CAPN7: variants seen among roughly 807,000 people sequenced by gnomAD.
The protein encoded by CAPN7 is calpain 7.
Under a neutral mutation model 115.2 loss-of-function variants are expected in CAPN7, and 72 were observed. That is an observed-to-expected ratio of 0.63 (90% confidence interval 0.52 to 0.76). CAPN7 has a LOEUF of 0.76. CAPN7 is among the 30% of genes least tolerant of loss of function. The pLI is 0.00. For synonymous variants in CAPN7, 344 were observed against 322.3 expected (o/e 1.07, Z -0.72); for missense variants, 905 against 971.5 (o/e 0.93, Z 0.91).
At chr3:15,250,637 A>T (rs923811183) in intron 19 of CAPN7, among the ~76,000 whole-genome samples, 2 of 152,312 alleles carry the variant, frequency 1.3e-5, no homozygotes, top group East Asian at 3.9e-4. Flanking sequence ...GTGCCTCTGC[A>T]CTCTAACCTG....
At chr3:15,230,831 G>T (rs1300387080) in intron 9 of CAPN7, among the ~76,000 whole-genome samples, 1 of 152,204 alleles carries the variant, frequency 6.6e-6, no homozygotes, top group African/African-American at 2.4e-5. Context: ...TAGTTCATCT[G>T]ATTGTTTTGA....
At position 15,240,607 on chromosome 3, in the gene CAPN7, A is replaced by G. The variant is rs1695283561; in HGVS notation, c.1542A>G (p.Lys514=). 2 of 1,596,104 alleles carry G rather than the reference A, an allele frequency of 1.3e-6. No individual in the cohort carries two copies. Among genetic ancestry groups the G allele is most frequent in the Non-Finnish European group, 1.7e-6 (2 of 1,175,432 alleles). The part of the protein sequence containing the change: ...YLNFDPRTAQ[K]IDNGIFWISW... Reference sequence around the variant, plus strand: ...ACTTTGATCCCCGAACAGCTCAGAAAATAGACAACGGTAAATATATCTTTT... The same window carrying G: ...ACTTTGATCCCCGAACAGCTCAGAAGATAGACAACGGTAAATATATCTTTT... Residue 514 remains lysine (K), a synonymous_variant, in exon 13 of 21, where the codon AAA becomes AAG. Transcript: ENST00000253693.
Position 15,235,035 on chromosome 3 carries a change from G to A in CAPN7, c.1297G>A (p.Gly433Arg). 7.5e-6 allele frequency: 12 copies of A among 1,609,538 alleles called. No homozygotes were observed. Among genetic ancestry groups the A allele is most frequent in the Non-Finnish European group, 1.0e-5 (12 of 1,178,688 alleles). The change falls in exon 12 of 21, where the codon GGA becomes AGA. Residue 433 changes from glycine (G) to arginine (R), a missense_variant. By Grantham distance (125) the Gly-to-Arg change is moderately radical. Around this residue, in one of 3 missense-constraint regions of CAPN7, gnomAD observed 620 missense variants for 703.4 expected, o/e 0.88. Coordinates refer to ENST00000253693, the MANE Select transcript of CAPN7 (RefSeq NM_014296.3). Reference sequence around the variant, plus strand: ...TGGGGTTCATTCCAGATTTCACAAAGGAGATGTCCTCATCACTGCGTCAAC... The same window carrying A: ...TGGGGTTCATTCCAGATTTCACAAAAGAGATGTCCTCATCACTGCGTCAAC... ...FRMLYQRFHK[G>R]DVLITASTGM... is the part of the protein sequence containing the mutation.
intron 7 of CAPN7, among the ~76,000 whole-genome samples, chr3:15,228,404 A>T (rs578157190): frequency 1.3e-5 from 2 of 152,358 alleles, no homozygotes; most frequent in South Asian, 4.1e-4. Flanking sequence ...AATAATAACC[A>T]GGAAAATATT....
intron 5 of CAPN7, among the ~76,000 whole-genome samples, chr3:15,222,803 C>G (rs1429748837): frequency 6.6e-6 from 1 of 152,192 alleles, no homozygotes; most frequent in Non-Finnish European, 1.5e-5. Context: ...ATAGTCCCAA[C>G]AATCATTTCA....
At chr3:15,220,473 C>T (rs533773582) in intron 4 of CAPN7, among the ~76,000 whole-genome samples, 300 of 152,248 alleles carry the variant, frequency 2.0e-3, no homozygotes, top group African/African-American at 6.9e-3. Context: ...GTCTGTCTTT[C>T]CCTACAAAAC....
chr3:15,234,453 G>C (rs377377057), intron 11 of CAPN7, among the ~76,000 whole-genome samples: 1 of 152,158 alleles, frequency 6.6e-6, no homozygotes, highest in Admixed American at 6.5e-5. Context: ...CCTATAGCCA[G>C]TCCTCAGTTA....
chr3:15,206,255 T>G lies in CAPN7; in HGVS notation c.-241T>G. The G allele has an allele frequency of 2.6e-6, 1 of 388,676 alleles. No individual in the cohort carries two copies. Among genetic ancestry groups the G allele is most frequent in the Non-Finnish European group, 4.6e-6 (1 of 215,708 alleles). 24.1% of individuals were successfully genotyped at this position (388,676 alleles called of 1,614,324 possible). On this transcript the variant is annotated 5_prime_UTR_variant, in exon 1 of 21. Transcript: ENST00000253693. ...GGCTGGTGGGCGGGGCGAGGGCCGC[T>G]GGGGCCGCGAAGTGGGGCGGCCGGG...
At chr3:15,227,777 T>C in intron 6 of CAPN7, 62 bp from the exon 7 acceptor site, 1 of 1,064,234 alleles carries the variant, frequency 9.4e-7, no homozygotes, top group Non-Finnish European at 1.3e-6. Flanking sequence ...GGAAATTTAA[T>C]TTTGGCTTTG....
At chr3:15,230,660 ATAT>A in intron 9 of CAPN7, 125 bp downstream of exon 9, 1 of 582,186 alleles carries the variant, frequency 1.7e-6, no homozygotes, top group East Asian at 2.6e-5. Context: ...CTGTGATATT[ATAT>A]ATTACTACCA....
intron 19 of CAPN7, among the ~76,000 whole-genome samples, chr3:15,249,977 A>G (rs889755024): frequency 1.1e-4 from 17 of 151,622 alleles, no homozygotes; most frequent in African/African-American, 4.1e-4. Context: ...GTTGGCCAGG[A>G]TGCTCTTGAT....
chr3:15,225,635 TTTTTTTCTC>T (rs1694270026), intron 6 of CAPN7, among the ~76,000 whole-genome samples: 1 of 152,182 alleles, frequency 6.6e-6, no homozygotes, highest in African/African-American at 2.4e-5. Context: ...GAATTTTTCT[TTTTTTTCTC>T]TTTAAGGTGA....
intron 10 of CAPN7, 121 bp from the exon 11 acceptor site, chr3:15,233,746 C>A: frequency 1.6e-6 from 1 of 643,166 alleles, no homozygotes. Flanking sequence ...TTGAAAACAA[C>A]TACCTTCTGA....
Position 15,227,949 on chromosome 3 carries a change from GT to G in CAPN7, c.840del (p.Phe280LeufsTer3). On this transcript the variant is annotated frameshift_variant, in exon 7 of 21. Coordinates refer to ENST00000253693, the MANE Select transcript of CAPN7 (RefSeq NM_014296.3). LOFTEE classifies it high-confidence loss of function. ...NNPTMIYTVS[S>X]FSIKQTIVSD... ...CCTACAATGATATATACTGTGTCCA[GT>G]TTTAGCATAAAGCAGGTGAGCATTT... 1 of 1,456,090 alleles carries G rather than the reference GT, an allele frequency of 6.9e-7. No individual in the cohort carries two copies. Among genetic ancestry groups the G allele is most frequent in the South Asian group, 1.6e-5 (1 of 61,424 alleles). The allele number at this position is 1,456,090 out of a possible 1,614,324, so 90.2% of individuals were successfully genotyped here.
chr3:15,235,171 AT>A, intron 12 of CAPN7, 26 bp downstream of exon 12: 2 of 1,569,404 alleles, frequency 1.3e-6, no homozygotes, highest in Non-Finnish European at 8.6e-7. Flanking sequence ...TTTTTCTTTT[AT>A]TTTTCTTGTT....
At chr3:15,222,006 G>A (rs996040663) in intron 5 of CAPN7, among the ~76,000 whole-genome samples, 1 of 149,228 alleles carries the variant, frequency 6.7e-6, no homozygotes, top group Non-Finnish European at 1.5e-5. Context: ...ATACATATAC[G>A]TATATAGTAT....
intron 9 of CAPN7, among the ~76,000 whole-genome samples, chr3:15,231,534 CT>C (rs554157490): frequency 3.4e-3 from 501 of 145,220 alleles, no homozygotes; most frequent in South Asian, 0.016. Context: ...TCTGAGAACA[CT>C]TTTTTTTTTT....
chr3:15,217,086 AAGAG>A (rs1210609445), intron 2 of CAPN7, among the ~76,000 whole-genome samples: 2 of 150,212 alleles, frequency 1.3e-5, no homozygotes, highest in Non-Finnish European at 2.9e-5. Flanking sequence ...AAAAAAAAAA[AAGAG>A]AGAAAAATTA....
rs905639230 is a variant in CAPN7, at chr3:15,249,018, A to C, written c.2204+1561A>C. ...CTCATACAACAACCAAAAAAAAAAA[A>C]AAAAAACAAAAACAGAATACAAATA... On this transcript the variant is annotated intron_variant, in intron 19 of 20. Transcript: ENST00000253693. 1.8e-4 allele frequency among the ~76,000 whole-genome samples: 27 copies of C among 150,110 alleles called. No individual in the cohort carries two copies. The East Asian group carries it at 4.5e-3, about 25-fold the overall frequency.
Sources: gnomAD v4.1 joint callset for allele counts (sites outside exome capture counted in the v4.1 genomes callset) on GRCh38, gnomAD v4.1.1 for gene constraint, gnomAD v4.1.1 regional missense constraint, MANE v1.5 for transcripts, NCBI Gene and HGNC (gene_info 2026-07-23, HGNC 2026-07-21) for gene names.